Variants in PAPOLG observed in about 807,000 individuals in gnomAD.
The protein encoded by PAPOLG is PAP-gamma.
A neutral mutation model predicts 99.0 loss-of-function variants in PAPOLG; 40 were observed. The observed-to-expected ratio is 0.40, with a 90% CI of 0.31 to 0.53. The LOEUF (loss-of-function observed/expected upper bound fraction) is 0.53, where lower values mean the gene tolerates loss of function less well. PAPOLG is among the 20% of genes least tolerant of loss of function. PAPOLG has a pLI of 0.41. For synonymous variants in PAPOLG, 310 were observed against 299.3 expected (o/e 1.04, Z -0.37); for missense variants, 675 against 884.1 (o/e 0.76, Z 3.00).
chr2:60,779,123 T>C (rs1031986679), intron 8 of PAPOLG, among the ~76,000 whole-genome samples: 1 of 152,080 alleles, frequency 6.6e-6, no homozygotes, highest in Admixed American at 6.6e-5. Flanking sequence ...ATGAATGATA[T>C]CAGTGGTGTA....
At chr2:60,794,640 C>T in intron 19 of PAPOLG, 70 bp from the exon 20 acceptor site, 1 of 1,295,852 alleles carries the variant, frequency 7.7e-7, no homozygotes, top group East Asian at 2.3e-5. Flanking sequence ...ACTAGTTTTC[C>T]AGTTTATATA....
chr2:60,761,609 T>C, intron 2 of PAPOLG, 132 bp from the exon 3 acceptor site: 1 of 699,610 alleles, frequency 1.4e-6, no homozygotes, highest in Non-Finnish European at 2.4e-6. Context: ...TCAGTAGATG[T>C]GATAGCATTA....
At chr2:60,758,724 C>T (rs1670433224) in intron 1 of PAPOLG, among the ~76,000 whole-genome samples, 1 of 152,046 alleles carries the variant, frequency 6.6e-6, no homozygotes, top group Non-Finnish European at 1.5e-5. Flanking sequence ...GCACCACGCC[C>T]GGCCTCTAAT....
At chr2:60,795,328 C>T (rs1282454859) in intron 21 of PAPOLG, 1 of 516,062 alleles carries the variant, frequency 1.9e-6, no homozygotes, top group Non-Finnish European at 3.8e-6. Context: ...TCTTACCAAG[C>T]ACCTGGAGGT....
chr2:60,799,543 T>G lies in PAPOLG; in HGVS notation c.*2383T>G, dbSNP rs189841611. ...AAGCTTCCATTGTACTAGTTCCAAG[T>G]AAAAAAGGAGAAAGTATGATCTGGG... On this transcript the variant is annotated 3_prime_UTR_variant, in exon 22 of 22. Transcript: ENST00000238714. 6.6e-6 allele frequency: 1 copy of G among 152,468 alleles called. No homozygotes were observed. Among genetic ancestry groups the G allele is most frequent in the East Asian group, 1.9e-4 (1 of 5,324 alleles). The allele number at this position is 152,468 out of a possible 1,614,324, so 9.4% of individuals were successfully genotyped here. A position where few individuals can be genotyped will look rare whatever the true frequency, so the allele number is the denominator to read the frequency against.
intron 7 of PAPOLG, among the ~76,000 whole-genome samples, chr2:60,773,727 G>T (rs893932671): frequency 6.6e-6 from 1 of 150,416 alleles, no homozygotes; most frequent in Non-Finnish European, 1.5e-5. Context: ...GCAGTCATTA[G>T]TGACCAGTCT....
rs1268399671 is a variant in PAPOLG, at chr2:60,780,740, A to G, written c.867A>G (p.Pro289=). The G allele has an allele frequency of 3.7e-6, 6 of 1,614,056 alleles. No individual in the cohort carries two copies. Among genetic ancestry groups the G allele is most frequent in the Non-Finnish European group, 5.1e-6 (6 of 1,179,990 alleles). The change falls in exon 10 of 22, where the codon CCA becomes CCG. Residue 289 remains proline (P), a synonymous_variant. Transcript: ENST00000238714. ...CAAATCCTGTGCTGCTGAAGCAACC[A>G]GAAGAAAGCAATTTGAATTTGCCTG... The part of the protein sequence containing the change: ...EWPNPVLLKQ[P]EESNLNLPVW...
intron 8 of PAPOLG, among the ~76,000 whole-genome samples, chr2:60,777,243 C>T (rs1182373840): frequency 6.6e-6 from 1 of 152,106 alleles, no homozygotes; most frequent in Non-Finnish European, 1.5e-5. Flanking sequence ...ATCATGAGGT[C>T]AGGAGAGTTC....
rs187131165 is a variant in PAPOLG at position 60,779,619 on chromosome 2, A to G, written c.695-18A>G. On this transcript the variant is annotated intron_variant, in intron 8 of 21. Coordinates refer to ENST00000238714, the MANE Select transcript of PAPOLG (RefSeq NM_022894.4). ...TAGTAGGTCCTAATAATAATTAACAAATATATTGATTTTCTAGGACGTGGT... is the reference window on the plus strand; with the variant it reads ...TAGTAGGTCCTAATAATAATTAACAGATATATTGATTTTCTAGGACGTGGT... 1 of 1,599,152 alleles carries G rather than the reference A, an allele frequency of 6.3e-7. No individual in the cohort carries two copies. Among genetic ancestry groups the G allele is most frequent in the South Asian group, 1.1e-5 (1 of 88,712 alleles).
intron 3 of PAPOLG, among the ~76,000 whole-genome samples, chr2:60,763,058 C>T (rs528837419): frequency 4.0e-5 from 6 of 151,582 alleles, no homozygotes; most frequent in Admixed American, 6.6e-5. Flanking sequence ...TGAGCCACCA[C>T]GCCCAACCAT....
chr2:60,766,870 CGTG>C (rs1558681638), intron 3 of PAPOLG, among the ~76,000 whole-genome samples: 3 of 152,046 alleles, frequency 2.0e-5, no homozygotes, highest in African/African-American at 7.3e-5. Context: ...AGGAACATGT[CGTG>C]GAGATTTTCA....
In PAPOLG at chr2:60,797,899, T is replaced by G. The variant is rs114113992; in HGVS notation, c.*739T>G. ...TGGAGGCCTTTGAAATGCATCTTTA[T>G]TAAAAATCAAAATATAACCAGGATA... On this transcript the variant is annotated 3_prime_UTR_variant, in exon 22 of 22. Coordinates refer to ENST00000238714, the MANE Select transcript of PAPOLG (RefSeq NM_022894.4). 6.5e-6 allele frequency: 1 copy of G among 152,794 alleles called. No individual in the cohort carries two copies. Among genetic ancestry groups the G allele is most frequent in the Admixed American group, 6.5e-5 (1 of 15,284 alleles). 9.5% of individuals were successfully genotyped at this position (152,794 alleles called of 1,614,324 possible).
At chr2:60,773,642 T>C (rs781436844) in intron 7 of PAPOLG, among the ~76,000 whole-genome samples, 5 of 152,068 alleles carry the variant, frequency 3.3e-5, no homozygotes, top group Admixed American at 2.0e-4. Flanking sequence ...TTGGAAAATA[T>C]TGGTTCACAA....
At chr2:60,766,832 A>T (rs1375555720) in intron 3 of PAPOLG, among the ~76,000 whole-genome samples, 1 of 152,346 alleles carries the variant, frequency 6.6e-6, no homozygotes, top group East Asian at 1.9e-4. Flanking sequence ...AGAAAGGAAG[A>T]TAAGAAGACA....
At chr2:60,778,505 G>A (rs762090462) in intron 8 of PAPOLG, among the ~76,000 whole-genome samples, 2 of 151,900 alleles carry the variant, frequency 1.3e-5, no homozygotes, top group African/African-American at 4.8e-5. Flanking sequence ...GTTTCTTTTC[G>A]GGGTGCTGAA....
In PAPOLG at chr2:60,768,902, C is replaced by T. The variant is rs748630018; in HGVS notation, c.438+12C>T. ...TTAGAAACTTAAGAGTAAGTATCCTCTGGCATTTAATATTTTGAATTTAGA... is the reference window on the plus strand; with the variant it reads ...TTAGAAACTTAAGAGTAAGTATCCTTTGGCATTTAATATTTTGAATTTAGA... On this transcript the variant is annotated intron_variant, in intron 5 of 21. Coordinates refer to ENST00000238714, the MANE Select transcript of PAPOLG (RefSeq NM_022894.4). The T allele has an allele frequency of 1.3e-6, 2 of 1,537,686 alleles. No homozygotes were observed. Among genetic ancestry groups the T allele is most frequent in the Admixed American group, 4.2e-5 (2 of 47,764 alleles).
At chr2:60,787,740 A>G (rs1168751631) in intron 15 of PAPOLG, 120 bp downstream of exon 15, 6 of 1,296,076 alleles carry the variant, frequency 4.6e-6, no homozygotes, top group African/African-American at 1.5e-5. Flanking sequence ...TGAACATGGC[A>G]TATCCGTATT....
chr2:60,791,994 G>A lies in PAPOLG; in HGVS notation c.1518+112G>A, dbSNP rs1671549576. 4 of 1,462,516 alleles carry A rather than the reference G, an allele frequency of 2.7e-6. No homozygotes were observed. The South Asian group carries it at 5.4e-5, about 20-fold the overall frequency. 90.6% of individuals were successfully genotyped at this position (1,462,516 alleles called of 1,614,324 possible). On this transcript the variant is annotated intron_variant, in intron 16 of 21. Coordinates refer to ENST00000238714, the MANE Select transcript of PAPOLG (RefSeq NM_022894.4). ...ATTGAGAAAAATAAGGAAGATATAG[G>A]CAGTTCAATCTAGGACTAAAATCTC...
rs141083080 is a variant in PAPOLG at position 60,768,494 on chromosome 2, A to C, written c.271A>C (p.Thr91Pro). The change falls in exon 4 of 22, where the codon ACT (threonine) becomes CCT (proline). Residue 91 changes from threonine to proline, a missense_variant. This residue lies in a region of PAPOLG where 149 missense variants were observed against 192.1 expected (regional missense o/e 0.78). Coordinates refer to ENST00000238714, the MANE Select transcript of PAPOLG (RefSeq NM_022894.4). The part of the protein sequence containing the change: ...SKNLPPSVVA[T>P]VGGKIFTFGS... ...GAACCTCCCACCTTCTGTTGTGGCT[A>C]CTGTTGGTGGTAAAATTTTCACATT... The C allele has an allele frequency of 2.7e-5, 44 of 1,613,896 alleles. No homozygotes were observed. Among genetic ancestry groups the C allele is most frequent in the Non-Finnish European group, 3.6e-5 (43 of 1,179,914 alleles).
Sources: allele counts gnomAD v4.1 joint callset (sites outside exome capture counted in the v4.1 genomes callset), GRCh38; gene constraint gnomAD v4.1.1; regional missense constraint gnomAD v4.1.1; transcripts MANE v1.5; gene names NCBI Gene and HGNC (gene_info 2026-07-23, HGNC 2026-07-21).